The following NPNT variants were observed in gnomAD, a reference collection of about 807,000 sequenced individuals.
The protein encoded by NPNT is nephronectin.
A neutral mutation model predicts 68.6 loss-of-function variants in NPNT; 45 were observed. That is an observed-to-expected ratio of 0.66 (90% CI 0.52 to 0.84). The LOEUF (loss-of-function observed/expected upper bound fraction) is 0.84, where lower values mean the gene tolerates loss of function less well. Among genes scored for constraint, NPNT ranks in the 40% least tolerant of loss-of-function variants. NPNT has a pLI of 0.00. For synonymous variants in NPNT, 233 were observed against 253.3 expected (o/e 0.92, Z 0.76); for missense variants, 672 against 714.8 (o/e 0.94, Z 0.68).
intron 8 of NPNT, among the ~76,000 whole-genome samples, chr4:105,944,843 C>T (rs2149381155): frequency 6.6e-6 from 1 of 152,316 alleles, no homozygotes; most frequent in South Asian, 2.1e-4. Context: ...GTGGTTATAG[C>T]ATATATTCTA....
At chr4:105,919,766 T>C (rs1415526640) in intron 2 of NPNT, among the ~76,000 whole-genome samples, 1 of 151,510 alleles carries the variant, frequency 6.6e-6, no homozygotes, top group African/African-American at 2.4e-5. Context: ...TGTGCACATA[T>C]GTTGGTTTGT....
chr4:105,900,692 G>A (rs1457795195), intron 2 of NPNT, among the ~76,000 whole-genome samples: 1 of 152,076 alleles, frequency 6.6e-6, no homozygotes, highest in Admixed American at 6.6e-5. Context: ...ACTCAAATGG[G>A]CATAGAACCT....
intron 8 of NPNT, among the ~76,000 whole-genome samples, chr4:105,946,203 G>A (rs566455293): frequency 1.3e-5 from 2 of 152,246 alleles, no homozygotes; most frequent in Admixed American, 6.5e-5. Context: ...TGCAGTTTTT[G>A]TCCATTTGCT....
intron 10 of NPNT, 105 bp downstream of exon 10, chr4:105,959,231 A>G (rs1731488870): frequency 1.4e-6 from 1 of 708,496 alleles, no homozygotes; most frequent in Non-Finnish European, 2.5e-6. Context: ...CTCTGTGTTT[A>G]CTTGATAAAG....
At chr4:105,945,695 T>C (rs1402789990) in intron 8 of NPNT, among the ~76,000 whole-genome samples, 1 of 152,212 alleles carries the variant, frequency 6.6e-6, no homozygotes, top group Non-Finnish European at 1.5e-5. Context: ...CCCAAAATCC[T>C]TTATCCAAAT....
At chr4:105,937,759 TA>T (rs1246179172) in intron 4 of NPNT, among the ~76,000 whole-genome samples, 3 of 152,202 alleles carry the variant, frequency 2.0e-5, no homozygotes, top group African/African-American at 7.2e-5. Context: ...AAATTCTCTA[TA>T]GGCTGACTCC....
intron 2 of NPNT, among the ~76,000 whole-genome samples, chr4:105,918,219 A>G (rs1004509883): frequency 1.3e-5 from 2 of 152,244 alleles, no homozygotes; most frequent in Non-Finnish European, 2.9e-5. Context: ...AATCTCTGAC[A>G]TCATATTAGT....
At chr4:105,913,520 A>T (rs1727544906) in intron 2 of NPNT, among the ~76,000 whole-genome samples, 2 of 152,192 alleles carry the variant, frequency 1.3e-5, no homozygotes, top group Non-Finnish European at 2.9e-5. Context: ...CTTTAAATCT[A>T]ACTTTGCAAG....
chr4:105,931,654 C>T (rs966672013), intron 3 of NPNT, among the ~76,000 whole-genome samples: 9 of 125,912 alleles, frequency 7.1e-5, no homozygotes, highest in South Asian at 2.8e-4. Flanking sequence ...GAAACCCCAT[C>T]TCTACTAAAA....
At chr4:105,935,616 G>T (rs572610152) in intron 3 of NPNT, among the ~76,000 whole-genome samples, 2 of 152,180 alleles carry the variant, frequency 1.3e-5, no homozygotes, top group African/African-American at 4.8e-5. Context: ...CCCTTAACTA[G>T]TCAAGAGACA....
At chr4:105,933,333 T>C (rs139188793) in intron 3 of NPNT, among the ~76,000 whole-genome samples, 53 of 152,344 alleles carry the variant, frequency 3.5e-4, no homozygotes, top group African/African-American at 1.3e-3. Flanking sequence ...GAAAGCTTTG[T>C]AGGAAAATAA....
At chr4:105,903,358 A>T (rs749107360) in intron 2 of NPNT, among the ~76,000 whole-genome samples, 2 of 152,186 alleles carry the variant, frequency 1.3e-5, no homozygotes, top group Non-Finnish European at 2.9e-5. Flanking sequence ...TCAGTGGGTA[A>T]GGGAAGATAT....
intron 8 of NPNT, among the ~76,000 whole-genome samples, chr4:105,946,376 G>T (rs1479627135): frequency 6.6e-6 from 1 of 152,156 alleles, no homozygotes; most frequent in Non-Finnish European, 1.5e-5. Context: ...GGAGGTCTTT[G>T]TTAAGTCCTC....
rs983482750 is a variant in NPNT, at chr4:105,969,063, C to T, written c.*73C>T. 20 of 1,002,176 alleles carry T rather than the reference C, an allele frequency of 2.0e-5. No homozygotes were observed. The African/African-American group carries it at 3.2e-4, about 16-fold the overall frequency. 62.1% of individuals were successfully genotyped at this position (1,002,176 alleles called of 1,614,324 possible). A position where few individuals can be genotyped will look rare whatever the true frequency, so the allele number is the denominator to read the frequency against. The stretch of plus-strand genomic sequence containing the variant: ...TCCAATTCTCATCTTCTCTCCTCTT[C>T]TCCCTTTTATCAGGCCTAGGAGAAG... On this transcript the variant is annotated 3_prime_UTR_variant, in exon 12 of 12. Coordinates refer to ENST00000379987, the MANE Select transcript of NPNT (RefSeq NM_001033047.3).
At position 105,940,650 on chromosome 4, in the gene NPNT, GTC is replaced by G. The variant is rs761854364; in HGVS notation, c.763+19_763+20del. The G allele has an allele frequency of 6.2e-7, 1 of 1,610,560 alleles. No homozygotes were observed. Among genetic ancestry groups the G allele is most frequent in the Non-Finnish European group, 8.5e-7 (1 of 1,177,896 alleles). On this transcript the variant is annotated intron_variant, in intron 7 of 11. Coordinates refer to ENST00000379987, the MANE Select transcript of NPNT (RefSeq NM_001033047.3). ...TGACTTGTGTGTGTGAGTAGCACTT[GTC>G]TCTCAGCTTTAAATTCTAGCAGGAA...
chr4:105,965,370 A>AAAC (rs796141047), intron 10 of NPNT, among the ~76,000 whole-genome samples: 32 of 152,184 alleles, frequency 2.1e-4, no homozygotes, highest in African/African-American at 7.5e-4. Context: ...CAAAAAAAAA[A>AAAC]AAAAAAACGG....
intron 1 of NPNT, 176 bp downstream of exon 1, chr4:105,895,899 C>T (rs1725788787): frequency 1.7e-6 from 1 of 603,722 alleles, no homozygotes; most frequent in Non-Finnish European, 2.9e-6. Flanking sequence ...GAGTGCCCGC[C>T]CGAGGCGGAG....
In NPNT at chr4:105,971,393, T is replaced by C. The variant is rs28627523; in HGVS notation, c.*2403T>C. The stretch of plus-strand genomic sequence containing the variant: ...AGGGGGAAAATAAATCATTAAGCCT[T>C]TGAGTAACGGCAGAATATATGGCTG... On this transcript the variant is annotated 3_prime_UTR_variant, in exon 12 of 12. Coordinates refer to ENST00000379987, the MANE Select transcript of NPNT (RefSeq NM_001033047.3). The C allele has an allele frequency of 0.029, 7,292 of 251,830 alleles. 309 individuals carry two copies. The highest frequency in any genetic ancestry group is 0.12 in the African/African-American group (5,349 of 45,600). The allele number at this position is 251,830 out of a possible 1,614,324, so 15.6% of individuals were successfully genotyped here.
At chr4:105,964,173 TA>T (rs898105036) in intron 10 of NPNT, among the ~76,000 whole-genome samples, 12 of 152,196 alleles carry the variant, frequency 7.9e-5, no homozygotes, top group African/African-American at 2.9e-4. Context: ...ACTAAAATAG[TA>T]TTAGCCATTG....
Sources: gnomAD v4.1 joint callset for allele counts (sites outside exome capture counted in the v4.1 genomes callset) on GRCh38, gnomAD v4.1.1 for gene constraint, MANE v1.5 for transcripts, NCBI Gene and HGNC (gene_info 2026-07-23, HGNC 2026-07-21) for gene names.